BEND6: variants seen among roughly 807,000 people sequenced by gnomAD.
BEND6 encodes the protein BEN domain-containing protein 6.
A neutral mutation model predicts 31.8 loss-of-function variants in BEND6; 24 were observed. The ratio of observed to expected loss-of-function variants is 0.75; its 90% CI spans 0.55 to 1.06. BEND6 has a LOEUF of 1.06. Ranked by LOEUF, BEND6 falls within the 50% of genes least tolerant of loss-of-function variation. The pLI is 0.00. For missense variants in BEND6, 294 were observed against 327.4 expected (o/e 0.90, Z 0.79); for synonymous variants, 109 against 114.6 (o/e 0.95, Z 0.31).
At chr6:57,012,661 G>GA (rs1229415849) in intron 3 of BEND6, among the ~76,000 whole-genome samples, 3 of 151,326 alleles carry the variant, frequency 2.0e-5, no homozygotes, top group Non-Finnish European at 4.4e-5. Flanking sequence ...ATTTTAATTG[G>GA]GAAAAAAAGA....
rs531984497 is a variant in BEND6, at chr6:56,972,519, A to G, written c.-100-9192A>G. ...AAAGTGTAACTCTTGAAAACTAATT[A>G]TGTACTTTAAAAGGAAAAAGGATTG... On this transcript the variant is annotated intron_variant, in intron 1 of 6. Transcript: ENST00000370746. Among the ~76,000 whole-genome samples, 53 of 152,356 alleles carry G rather than the reference A, an allele frequency of 3.5e-4. 2 individuals carry two copies. The South Asian group carries it at 0.01, about 29-fold the overall frequency.
intron 3 of BEND6, among the ~76,000 whole-genome samples, chr6:56,999,531 C>T (rs915802227): frequency 1.3e-5 from 2 of 152,246 alleles, no homozygotes; most frequent in South Asian, 2.1e-4. Flanking sequence ...CAACTAGGCA[C>T]ACCTCTGGGC....
chr6:57,007,906 G>A (rs1455285313), intron 3 of BEND6, among the ~76,000 whole-genome samples: 2 of 152,104 alleles, frequency 1.3e-5, no homozygotes, highest in South Asian at 2.1e-4. Flanking sequence ...GGAAAGAAGG[G>A]AATTTATTGC....
intron 3 of BEND6, among the ~76,000 whole-genome samples, chr6:57,011,834 G>GCAC (rs1487991068): frequency 6.6e-6 from 1 of 151,504 alleles, no homozygotes; most frequent in Non-Finnish European, 1.5e-5. Context: ...AGCATTTAAA[G>GCAC]AAGTTACAGG....
At chr6:56,992,335 G>C (rs1280224386) in intron 2 of BEND6, 43 bp from the exon 3 acceptor site, 1 of 1,543,778 alleles carries the variant, frequency 6.5e-7, no homozygotes, top group South Asian at 1.2e-5. Context: ...AACCATTAAA[G>C]ATGCTATGAG....
rs555990476 is a variant in BEND6, at chr6:57,007,095, C to A, written c.299-8038C>A. On this transcript the variant is annotated intron_variant, in intron 3 of 6. Transcript: ENST00000370746. ...ACTTGAGCCTAGGAGTTCGAGACCA[C>A]CCTGGGCAACACAGGGAGACCCATC... is the stretch of plus-strand genomic sequence containing the variant. Among the ~76,000 whole-genome samples the A allele has an allele frequency of 2.8e-4, 42 of 152,130 alleles. 1 individual carries two copies. The South Asian group carries it at 8.7e-3, about 32-fold the overall frequency.
At chr6:56,979,889 A>T (rs1215062266) in intron 1 of BEND6, among the ~76,000 whole-genome samples, 1 of 152,246 alleles carries the variant, frequency 6.6e-6, no homozygotes, top group Non-Finnish European at 1.5e-5. Flanking sequence ...AATGCTGTTA[A>T]CAGTATATCC....
intron 1 of BEND6, among the ~76,000 whole-genome samples, chr6:56,977,917 A>C (rs1248786614): frequency 6.6e-6 from 1 of 152,164 alleles, no homozygotes; most frequent in African/African-American, 2.4e-5. Context: ...AGATTGCACC[A>C]CTACACTCCA....
intron 3 of BEND6, among the ~76,000 whole-genome samples, chr6:56,996,065 T>C (rs1826697274): frequency 6.6e-6 from 1 of 152,222 alleles, no homozygotes; most frequent in Admixed American, 6.5e-5. Context: ...CTAAATATTT[T>C]ATGAGTCCCC....
chr6:56,988,052 T>A (rs1425543975), intron 2 of BEND6, among the ~76,000 whole-genome samples: 1 of 151,288 alleles, frequency 6.6e-6, no homozygotes, highest in Non-Finnish European at 1.5e-5. Flanking sequence ...AGTCTTGCTC[T>A]GTTGCCCAGA....
chr6:56,977,117 T>C (rs749045607), intron 1 of BEND6, among the ~76,000 whole-genome samples: 1 of 152,186 alleles, frequency 6.6e-6, no homozygotes, highest in Non-Finnish European at 1.5e-5. Flanking sequence ...GGAAAACCAT[T>C]TACAGATAGT....
At chr6:56,991,959 C>T (rs996703734) in intron 2 of BEND6, among the ~76,000 whole-genome samples, 1 of 152,158 alleles carries the variant, frequency 6.6e-6, no homozygotes, top group Non-Finnish European at 1.5e-5. Context: ...TCTTGTTAAG[C>T]TTTTCTATTT....
chr6:56,961,973 G>A (rs1262599686), intron 1 of BEND6, among the ~76,000 whole-genome samples: 1 of 152,192 alleles, frequency 6.6e-6, no homozygotes, highest in African/African-American at 2.4e-5. Flanking sequence ...AACTCATGTA[G>A]AAATTAGATT....
At chr6:57,017,641 T>C (rs1187331442) in intron 5 of BEND6, among the ~76,000 whole-genome samples, 1 of 152,216 alleles carries the variant, frequency 6.6e-6, no homozygotes, top group Non-Finnish European at 1.5e-5. Context: ...TCATACAATT[T>C]ATAGCTTTGG....
chr6:56,991,476 G>A (rs1826497675), intron 2 of BEND6, among the ~76,000 whole-genome samples: 1 of 151,834 alleles, frequency 6.6e-6, no homozygotes, highest in African/African-American at 2.4e-5. Flanking sequence ...CCTTTAATCA[G>A]GTGATCATCC....
chr6:56,988,828 A>G (rs1011890289), intron 2 of BEND6, among the ~76,000 whole-genome samples: 8 of 152,120 alleles, frequency 5.3e-5, no homozygotes, highest in Admixed American at 4.6e-4. Flanking sequence ...CAGGAGTTTG[A>G]AACCAGCCTG....
chr6:56,971,902 G>T (rs1286085023), intron 1 of BEND6, among the ~76,000 whole-genome samples: 1 of 151,598 alleles, frequency 6.6e-6, no homozygotes, highest in Non-Finnish European at 1.5e-5. Flanking sequence ...ACATTCTATG[G>T]GTTGCCTTTT....
rs116824791 is a variant in BEND6 at position 56,973,261 on chromosome 6, C to T, written c.-100-8450C>T. On this transcript the variant is annotated intron_variant, in intron 1 of 6. Transcript: ENST00000370746. ...ATCACTAAATAGTACTTAATAGGTC[C>T]GTGTCAGTTAAACCTGGTGAAACTT... Among the ~76,000 whole-genome samples, 564 of 152,174 alleles carry T rather than the reference C, an allele frequency of 3.7e-3. 5 individuals are homozygous for T. The highest frequency in any genetic ancestry group is 0.013 in the African/African-American group (536 of 41,508).
intron 3 of BEND6, among the ~76,000 whole-genome samples, chr6:56,997,561 A>G (rs1193693782): frequency 1.3e-5 from 2 of 151,994 alleles, no homozygotes; most frequent in East Asian, 3.9e-4. Context: ...CATTTTATTT[A>G]TTTATTTTTT....
Sources: allele counts gnomAD v4.1 joint callset (sites outside exome capture counted in the v4.1 genomes callset), GRCh38; gene constraint gnomAD v4.1.1; transcripts MANE v1.5; gene names NCBI Gene and HGNC (gene_info 2026-07-23, HGNC 2026-07-21).